The following DLGAP1 variants were observed in gnomAD, a reference collection of about 807,000 sequenced individuals.
The protein encoded by DLGAP1 is disks large-associated protein 1.
DLGAP1 carries 11 observed loss-of-function variants against 90.8 expected under a neutral mutation model. That is an observed-to-expected ratio of 0.12 (90% CI 0.08 to 0.20). DLGAP1 has a LOEUF of 0.20. Among genes scored for constraint, DLGAP1 ranks in the 10% least tolerant of loss-of-function variants. DLGAP1 has a pLI of 1.00. For synonymous variants in DLGAP1, 558 were observed against 540.7 expected (o/e 1.03, Z -0.44); for missense variants, 1,050 against 1,333.8 (o/e 0.79, Z 3.31).
At chr18:3,609,930 T>C (rs1224720033) in intron 7 of DLGAP1, among the ~76,000 whole-genome samples, 1 of 151,624 alleles carries the variant, frequency 6.6e-6, no homozygotes, top group Non-Finnish European at 1.5e-5. Flanking sequence ...TGGTGGCACA[T>C]GCCTGTAATC....
chr18:3,608,788 C>T (rs1337016418), intron 7 of DLGAP1, among the ~76,000 whole-genome samples: 1 of 152,120 alleles, frequency 6.6e-6, no homozygotes, highest in Admixed American at 6.6e-5. Context: ...TGTTTGTTAC[C>T]GTTAGATAAT....
intron 1 of DLGAP1, among the ~76,000 whole-genome samples, chr18:4,268,605 A>G (rs1299346976): frequency 6.6e-6 from 1 of 152,196 alleles, no homozygotes; most frequent in African/African-American, 2.4e-5. Flanking sequence ...AATATCTTGT[A>G]ACTACAATTT....
intron 1 of DLGAP1, among the ~76,000 whole-genome samples, chr18:4,401,630 TATG>T (rs1280389324): frequency 6.6e-6 from 1 of 152,198 alleles, no homozygotes; most frequent in Non-Finnish European, 1.5e-5. Flanking sequence ...TCCACTTCCC[TATG>T]ATTAACTAAA....
intron 1 of DLGAP1, among the ~76,000 whole-genome samples, chr18:4,208,272 G>T (rs1006682938): frequency 6.6e-6 from 1 of 152,048 alleles, no homozygotes; most frequent in Non-Finnish European, 1.5e-5. Context: ...AATTTCCATA[G>T]AAAAAATATT....
chr18:4,123,702 C>A (rs558589683), intron 2 of DLGAP1, among the ~76,000 whole-genome samples: 2 of 152,142 alleles, frequency 1.3e-5, no homozygotes, highest in African/African-American at 4.8e-5. Flanking sequence ...AATTGCCCTG[C>A]GAATACAAAA....
In DLGAP1 at chr18:4,072,025, C is replaced by T. The variant is rs1177166472; in HGVS notation, c.-158-66824G>A. ...ATATGTGTGTCTAAATTTTAATTATCTCTTGGTTCCTGTGGCTGCCTTGTA... is the reference window on the plus strand; with the variant it reads ...ATATGTGTGTCTAAATTTTAATTATTTCTTGGTTCCTGTGGCTGCCTTGTA... On this transcript the variant is annotated intron_variant, in intron 2 of 12. Coordinates refer to ENST00000315677, the MANE Select transcript of DLGAP1 (RefSeq NM_004746.4). Among the ~76,000 whole-genome samples the T allele has an allele frequency of 2.6e-5, 4 of 152,160 alleles. No individual in the cohort carries two copies. In the East Asian group the frequency reaches 7.7e-4, roughly 29 times the overall value.
chr18:3,630,051 A>T (rs943006822), intron 7 of DLGAP1, among the ~76,000 whole-genome samples: 1 of 152,192 alleles, frequency 6.6e-6, no homozygotes, highest in African/African-American at 2.4e-5. Flanking sequence ...TTATGTGTCA[A>T]CTTGACTGGG....
At chr18:4,223,666 A>G (rs556786065) in intron 1 of DLGAP1, among the ~76,000 whole-genome samples, 2 of 152,346 alleles carry the variant, frequency 1.3e-5, no homozygotes, top group Non-Finnish European at 2.9e-5. Flanking sequence ...AGGCATTACT[A>G]TAATTCTGAA....
chr18:4,139,173 T>C (rs2076454720), intron 2 of DLGAP1, among the ~76,000 whole-genome samples: 1 of 151,990 alleles, frequency 6.6e-6, no homozygotes, highest in Non-Finnish European at 1.5e-5. Flanking sequence ...AATCTTGGGT[T>C]TGGTTTGCTC....
chr18:3,998,408 C>T (rs1403825490), intron 3 of DLGAP1, among the ~76,000 whole-genome samples: 1 of 152,094 alleles, frequency 6.6e-6, no homozygotes, highest in Non-Finnish European at 1.5e-5. Context: ...GCAGAGTTAA[C>T]TTAATTGCAG....
intron 1 of DLGAP1, among the ~76,000 whole-genome samples, chr18:4,347,241 T>G (rs895677862): frequency 4.6e-5 from 7 of 151,992 alleles, no homozygotes; most frequent in South Asian, 2.1e-4. Flanking sequence ...CAGGCCCAGA[T>G]AGTGTCATGG....
At chr18:4,363,278 C>T (rs563149190) in intron 1 of DLGAP1, among the ~76,000 whole-genome samples, 4 of 152,156 alleles carry the variant, frequency 2.6e-5, no homozygotes, top group East Asian at 1.9e-4. Flanking sequence ...TGTGAGTGCT[C>T]GCACATACAC....
At chr18:4,409,959 T>A (rs2082741189) in intron 1 of DLGAP1, among the ~76,000 whole-genome samples, 1 of 152,166 alleles carries the variant, frequency 6.6e-6, no homozygotes, top group African/African-American at 2.4e-5. Flanking sequence ...ATATATAGGA[T>A]GGAATACTAC....
intron 2 of DLGAP1, among the ~76,000 whole-genome samples, chr18:4,132,002 C>T (rs541424854): frequency 7.9e-5 from 12 of 152,032 alleles, no homozygotes; most frequent in East Asian, 5.8e-4. Context: ...ATTTCAAAAG[C>T]GGTTGAAATG....
intron 1 of DLGAP1, among the ~76,000 whole-genome samples, chr18:4,429,008 C>G (rs899590550): frequency 2.0e-5 from 3 of 152,148 alleles, no homozygotes; most frequent in Non-Finnish European, 2.9e-5. Context: ...TTAGCACAGC[C>G]AGGGCATTTG....
At chr18:4,409,819 A>G (rs1188945683) in intron 1 of DLGAP1, among the ~76,000 whole-genome samples, 2 of 152,154 alleles carry the variant, frequency 1.3e-5, no homozygotes, top group African/African-American at 2.4e-5. Flanking sequence ...ACCCAGAGGA[A>G]AAAAGAAGTC....
intron 7 of DLGAP1, among the ~76,000 whole-genome samples, chr18:3,707,750 T>TC: frequency 6.6e-6 from 1 of 152,176 alleles, no homozygotes; most frequent in South Asian, 2.1e-4. Flanking sequence ...AATCAGTTTC[T>TC]ATGAAGGCAA....
chr18:3,787,024 G>A (rs2065482518), intron 5 of DLGAP1, among the ~76,000 whole-genome samples: 1 of 152,026 alleles, frequency 6.6e-6, no homozygotes, highest in South Asian at 2.1e-4. Flanking sequence ...AACCCATCAT[G>A]GGAGAATTAG....
chr18:3,772,123 T>TCTTTC (rs1491115041), intron 5 of DLGAP1, among the ~76,000 whole-genome samples: 1 of 151,086 alleles, frequency 6.6e-6, no homozygotes, highest in African/African-American at 2.5e-5. Context: ...TTCCTTTCTT[T>TCTTTC]CTTTTCTTTT....
Sources: allele counts gnomAD v4.1 joint callset (sites outside exome capture counted in the v4.1 genomes callset), GRCh38; gene constraint gnomAD v4.1.1; transcripts MANE v1.5; gene names NCBI Gene and HGNC (gene_info 2026-07-23, HGNC 2026-07-21).